Variants in SCAMP1 observed in about 807,000 individuals in gnomAD.
SCAMP1 encodes secretory carrier membrane protein 1, also known as secretory carrier-associated membrane protein 1.
Under a neutral mutation model 41.8 loss-of-function variants are expected in SCAMP1, and 15 were observed. The observed-to-expected ratio is 0.36, with a 90% confidence interval of 0.24 to 0.55. SCAMP1 has a LOEUF of 0.55. SCAMP1 is among the 20% of genes least tolerant of loss of function. The pLI, the probability that SCAMP1 is intolerant of heterozygous loss-of-function variation, is 0.86. For missense variants in SCAMP1, 341 were observed against 412.6 expected, an observed-to-expected ratio of 0.83 and a Z score of 1.50; for synonymous variants, 135 against 136.8, an observed-to-expected ratio of 0.99 and a Z score of 0.09.
Position 78,479,247 on chromosome 5 carries a change from G to A in SCAMP1, c.*3579G>A, listed in dbSNP as rs953083523. Among the ~76,000 whole-genome samples, 5 of 152,162 alleles carry A rather than the reference G, an allele frequency of 3.3e-5. No homozygotes were observed. The highest frequency in any genetic ancestry group is 4.4e-5 in the Non-Finnish European group (3 of 67,992). Reference sequence around the variant, plus strand: ...GTTTAGAGGAATTTGTTCATTTCATGTGATTAAGCCCTTTAGAGATGAAAT... The same window carrying A: ...GTTTAGAGGAATTTGTTCATTTCATATGATTAAGCCCTTTAGAGATGAAAT... On this transcript the variant is annotated 3_prime_UTR_variant, in exon 9 of 9. Coordinates refer to ENST00000621999, the MANE Select transcript of SCAMP1 (RefSeq NM_004866.6).
chr5:78,450,221 T>C (rs969962714), intron 7 of SCAMP1, among the ~76,000 whole-genome samples, 187 bp downstream of exon 7: 13 of 152,304 alleles, frequency 8.5e-5, no homozygotes, highest in African/African-American at 3.1e-4. Flanking sequence ...TCTTTGAAGA[T>C]TATGTTCCCA....
chr5:78,453,351 T>C (rs1753294330), intron 7 of SCAMP1, among the ~76,000 whole-genome samples: 1 of 149,186 alleles, frequency 6.7e-6, no homozygotes, highest in Non-Finnish European at 1.5e-5. Context: ...CCATCTTGAA[T>C]TGATTTTTGT....
chr5:78,426,875 G>A (rs1401979964), intron 6 of SCAMP1, among the ~76,000 whole-genome samples: 1 of 152,164 alleles, frequency 6.6e-6, no homozygotes, highest in Non-Finnish European at 1.5e-5. Context: ...GTTTATTCGG[G>A]CTGCAGAATG....
At chr5:78,437,707 G>T (rs538942773) in intron 6 of SCAMP1, among the ~76,000 whole-genome samples, 1 of 152,154 alleles carries the variant, frequency 6.6e-6, no homozygotes, top group Non-Finnish European at 1.5e-5. Context: ...AGGCTTTGGT[G>T]TCAGGATGAT....
At chr5:78,469,515 CT>C (rs35827588) in intron 8 of SCAMP1, among the ~76,000 whole-genome samples, 1 of 150,880 alleles carries the variant, frequency 6.6e-6, no homozygotes, top group African/African-American at 2.4e-5. Context: ...ATTTTGTTAC[CT>C]TTTTCAATAA....
intron 1 of SCAMP1, among the ~76,000 whole-genome samples, chr5:78,383,581 T>C (rs1192523930): frequency 1.3e-5 from 2 of 152,194 alleles, no homozygotes; most frequent in African/African-American, 2.4e-5. Context: ...GATTTAGGTC[T>C]TTGATCCATC....
intron 1 of SCAMP1, among the ~76,000 whole-genome samples, chr5:78,374,173 A>G (rs570083587): frequency 6.6e-6 from 1 of 152,268 alleles, no homozygotes; most frequent in Admixed American, 6.5e-5. Context: ...ATGTGTGATA[A>G]ATGCTTTGAT....
chr5:78,394,567 A>G (rs1486148973), intron 2 of SCAMP1, among the ~76,000 whole-genome samples: 3 of 152,142 alleles, frequency 2.0e-5, no homozygotes, highest in Non-Finnish European at 4.4e-5. Context: ...GGACTAAAGC[A>G]TCTAGCTGCA....
At position 78,480,333 on chromosome 5, in the gene SCAMP1, A is replaced by AGT. The variant is rs1264300983; in HGVS notation, c.*4666_*4667dup. Among the ~76,000 whole-genome samples the AGT allele has an allele frequency of 6.6e-6, 1 of 152,254 alleles. No homozygotes were observed. The highest frequency in any genetic ancestry group is 1.5e-5 in the Non-Finnish European group (1 of 68,046). On this transcript the variant is annotated 3_prime_UTR_variant, in exon 9 of 9. Transcript: ENST00000621999. ...AATATTATCTTCTATACATTAAAAC[A>AGT]GTTCTAGTTTGTAGAATAATACCAT...
chr5:78,433,767 T>C (rs898304423), intron 6 of SCAMP1, among the ~76,000 whole-genome samples: 2 of 152,174 alleles, frequency 1.3e-5, no homozygotes, highest in Non-Finnish European at 2.9e-5. Flanking sequence ...ATGGTGGGCA[T>C]GTTGGGGAGT....
intron 7 of SCAMP1, among the ~76,000 whole-genome samples, chr5:78,453,698 A>C (rs1341685444): frequency 1.3e-5 from 2 of 152,218 alleles, no homozygotes; most frequent in Admixed American, 6.5e-5. Flanking sequence ...TGAACTTTAA[A>C]GTAGTTTTTT....
At chr5:78,376,195 C>T (rs557884374) in intron 1 of SCAMP1, among the ~76,000 whole-genome samples, 26 of 151,984 alleles carry the variant, frequency 1.7e-4, no homozygotes, top group African/African-American at 5.3e-4. Flanking sequence ...TCTAGCCGGC[C>T]GACACTTATG....
intron 7 of SCAMP1, among the ~76,000 whole-genome samples, chr5:78,457,161 G>A (rs540913722): frequency 2.0e-5 from 3 of 151,058 alleles, no homozygotes; most frequent in South Asian, 2.1e-4. Context: ...TAATTTGATC[G>A]TCTGAAGCCT....
chr5:78,409,385 T>TTA (rs773776068), intron 2 of SCAMP1, among the ~76,000 whole-genome samples: 7 of 149,096 alleles, frequency 4.7e-5, no homozygotes, highest in East Asian at 3.9e-4. Context: ...TGTTTTATAT[T>TTA]TATATATATA....
At chr5:78,412,613 A>G (rs1043273542) in intron 2 of SCAMP1, among the ~76,000 whole-genome samples, 8 of 151,910 alleles carry the variant, frequency 5.3e-5, no homozygotes, top group South Asian at 2.1e-4. Context: ...TTGTTTTTCT[A>G]TCTCATGGTT....
In SCAMP1 at chr5:78,444,580, A is replaced by G. The variant is rs574123841; in HGVS notation, c.633-5353A>G. On this transcript the variant is annotated intron_variant, in intron 6 of 8. Coordinates refer to ENST00000621999, the MANE Select transcript of SCAMP1 (RefSeq NM_004866.6). Reference sequence around the variant, plus strand: ...TTGAGTGGGGACACAGCCAAATTCTATCAGTTTCTTTTTATTCTAATGCCT... The same window carrying G: ...TTGAGTGGGGACACAGCCAAATTCTGTCAGTTTCTTTTTATTCTAATGCCT... Among the ~76,000 whole-genome samples the G allele has an allele frequency of 8.5e-5, 13 of 152,302 alleles. No individual in the cohort carries two copies. In the East Asian group the frequency reaches 1.5e-3, roughly 18 times the overall value.
In SCAMP1 at chr5:78,475,680, C is replaced by G; in HGVS notation, c.*12C>G. The G allele has an allele frequency of 6.6e-7, 1 of 1,507,012 alleles. No individual in the cohort carries two copies. The highest frequency in any genetic ancestry group is 8.9e-7 in the Non-Finnish European group (1 of 1,127,918). 93.4% of individuals were successfully genotyped at this position (1,507,012 alleles called of 1,614,324 possible). ...GTAACCAGATTTAAGAATCTTCAAA[C>G]AATACACTGTTACCTTTTGACTGTA... On this transcript the variant is annotated 3_prime_UTR_variant, in exon 9 of 9. Coordinates refer to ENST00000621999, the MANE Select transcript of SCAMP1 (RefSeq NM_004866.6).
Position 78,478,350 on chromosome 5 carries a change from A to C in SCAMP1, c.*2682A>C, listed in dbSNP as rs1754052935. On this transcript the variant is annotated 3_prime_UTR_variant, in exon 9 of 9. Transcript: ENST00000621999. ...ACAGACATTGTTAAAGGTTTGATGT[A>C]TATAGAAATTCCATGTTTGATTTTT... The C allele has an allele frequency of 6.5e-6, 1 of 152,772 alleles. No individual in the cohort carries two copies. Among genetic ancestry groups the C allele is most frequent in the East Asian group, 1.9e-4 (1 of 5,192 alleles). 9.5% of individuals were successfully genotyped at this position (152,772 alleles called of 1,614,324 possible). A position where few individuals can be genotyped will look rare whatever the true frequency, so the allele number is the denominator to read the frequency against.
chr5:78,412,383 GT>G (rs913520683), intron 2 of SCAMP1, among the ~76,000 whole-genome samples: 33 of 145,544 alleles, frequency 2.3e-4, no homozygotes, highest in East Asian at 2.0e-3. Flanking sequence ...GTCTTGTTTT[GT>G]TTTTTTTTTA....
Sources: allele counts gnomAD v4.1 joint callset (sites outside exome capture counted in the v4.1 genomes callset), GRCh38; gene constraint gnomAD v4.1.1; transcripts MANE v1.5; gene names NCBI Gene and HGNC (gene_info 2026-07-23, HGNC 2026-07-21).